TMEM39B: variants seen among roughly 807,000 people sequenced by gnomAD.
TMEM39B encodes the protein transmembrane protein 39B.
A neutral mutation model predicts 52.2 loss-of-function variants in TMEM39B; 23 were observed. The observed-to-expected ratio is 0.44, with a 90% CI of 0.32 to 0.62. The LOEUF (loss-of-function observed/expected upper bound fraction) is 0.62, where lower values mean the gene tolerates loss of function less well. TMEM39B is among the 20% of genes least tolerant of loss of function. TMEM39B has a pLI of 0.06. For synonymous variants in TMEM39B, 285 were observed against 264.0 expected (o/e 1.08, Z -0.77); for missense variants, 547 against 642.0 (o/e 0.85, Z 1.60).
intron 1 of TMEM39B, chr1:32,073,621 TG>T (rs1331887958): frequency 7.1e-6 from 7 of 987,436 alleles, no homozygotes; most frequent in Non-Finnish European, 7.2e-6. Context: ...GCAGAGCTTC[TG>T]GACTGGACTA....
intron 5 of TMEM39B, 113 bp downstream of exon 5, chr1:32,077,431 A>G: frequency 7.8e-7 from 1 of 1,285,972 alleles, no homozygotes; most frequent in African/African-American, 1.5e-5. Context: ...GCAGGCAGCA[A>G]CATCCTCTCA....
chr1:32,094,885 C>T lies in TMEM39B; in HGVS notation c.1029C>T (p.Tyr343=), dbSNP rs150130928. 5.1e-5 allele frequency: 82 copies of T among 1,614,048 alleles called. No individual in the cohort carries two copies. The highest frequency in any genetic ancestry group is 6.5e-5 in the Non-Finnish European group (77 of 1,180,062). ...ILMQHLLPAS[Y]CDLLHKAAAH... ...TGCAGCACCTGCTGCCTGCCAGCTA[C>T]TGTGACCTGCTGCACAAGGCCGCCG... Residue 343 remains tyrosine (Y), a synonymous_variant, in exon 7 of 9, where the codon TAC becomes TAT. Coordinates refer to ENST00000336294, the MANE Select transcript of TMEM39B (RefSeq NM_018056.4).
At chr1:32,100,906 C>A (rs1640997482) in intron 8 of TMEM39B, among the ~76,000 whole-genome samples, 1 of 152,114 alleles carries the variant, frequency 6.6e-6, no homozygotes, top group Non-Finnish European at 1.5e-5. Flanking sequence ...TGGCGGGCGC[C>A]TGTAATCCCA....
rs1299064803 is a variant in TMEM39B, at chr1:32,094,786, C to A, written c.930C>A (p.Asn310Lys). The change falls in exon 7 of 9, where the codon AAC becomes AAA. Residue 310 changes from asparagine to lysine, a missense_variant and splice_region_variant. Physicochemically the swap from Asn to Lys is moderately conservative, Grantham distance 94. Coordinates refer to ENST00000336294, the MANE Select transcript of TMEM39B (RefSeq NM_018056.4). ...CACCCACCTTCTGCTACCCCCAGAA[C>A]ACACATTACTATGACAAGCGCTGGT... The part of the protein sequence containing the change: ...VAFVPVWFVK[N>K]THYYDKRWSC... The A allele has an allele frequency of 6.2e-7, 1 of 1,614,048 alleles. No homozygotes were observed. Among genetic ancestry groups the A allele is most frequent in the Non-Finnish European group, 8.5e-7 (1 of 1,180,026 alleles).
chr1:32,091,873 C>T lies in TMEM39B; in HGVS notation c.789C>T (p.Ala263=), dbSNP rs1051787283. The change falls in exon 6 of 9, where the codon GCC becomes GCT. Residue 263 remains alanine (A), a synonymous_variant. Transcript: ENST00000336294. ...GCCCGGACGCCATGCCCACCCATGCCTGCTGCCTGTCACCCAGCCTCATCC... is the reference window on the plus strand; with the variant it reads ...GCCCGGACGCCATGCCCACCCATGCTTGCTGCCTGTCACCCAGCCTCATCC... The part of the protein sequence containing the change: ...LYGPDAMPTH[A]CCLSPSLIRS... 3.7e-6 allele frequency: 6 copies of T among 1,614,118 alleles called. No individual in the cohort carries two copies. The African/African-American group carries it at 5.3e-5, about 14-fold the overall frequency.
At chr1:32,085,147 T>A (rs1391464594) in intron 5 of TMEM39B, among the ~76,000 whole-genome samples, 2 of 152,202 alleles carry the variant, frequency 1.3e-5, no homozygotes, top group African/African-American at 4.8e-5. Flanking sequence ...TTTGAGTACT[T>A]CTTTAGCTTG....
At position 32,076,860 on chromosome 1, in the gene TMEM39B, A is replaced by C. The variant is rs774483941; in HGVS notation, c.435+14A>C. On this transcript the variant is annotated intron_variant, in intron 4 of 8. Coordinates refer to ENST00000336294, the MANE Select transcript of TMEM39B (RefSeq NM_018056.4). ...ATCGTGAAGGAGGTGATTGGGTCCT[A>C]GAGGCTGGCCAGGGACTTTGGGATT... The C allele has an allele frequency of 2.5e-6, 4 of 1,613,808 alleles. No homozygotes were observed. Among genetic ancestry groups the C allele is most frequent in the Non-Finnish European group, 3.4e-6 (4 of 1,179,790 alleles).
intron 5 of TMEM39B, among the ~76,000 whole-genome samples, chr1:32,080,103 T>C (rs1640031933): frequency 6.6e-6 from 1 of 151,994 alleles, no homozygotes; most frequent in African/African-American, 2.4e-5. Flanking sequence ...TTAGCCAGGA[T>C]GGTCTCGATC....
upstream of TMEM39B, chr1:32,072,930 C>G: frequency 2.2e-6 from 3 of 1,342,986 alleles, no homozygotes; most frequent in South Asian, 1.4e-5. Context: ...GCGGCGGGAG[C>G]GCGCGGCTGA....
intron 1 of TMEM39B, among the ~76,000 whole-genome samples, chr1:32,074,713 G>C (rs1393648767): frequency 6.6e-6 from 1 of 152,118 alleles, no homozygotes; most frequent in East Asian, 1.9e-4. Context: ...AATGAGCTTG[G>C]CTTGCTGAGG....
intron 5 of TMEM39B, among the ~76,000 whole-genome samples, chr1:32,085,300 T>TCC (rs1481208744): frequency 6.6e-6 from 1 of 152,204 alleles, no homozygotes; most frequent in East Asian, 1.9e-4. Flanking sequence ...AATCTCTCTC[T>TCC]CTCTCTCTCT....
At chr1:32,089,632 G>T (rs1051495935) in intron 5 of TMEM39B, among the ~76,000 whole-genome samples, 3 of 149,384 alleles carry the variant, frequency 2.0e-5, no homozygotes, top group Non-Finnish European at 3.0e-5. Context: ...GGGACCCCCA[G>T]AAAAAAGTAA....
chr1:32,094,945 G>A lies in TMEM39B; in HGVS notation c.1089G>A (p.Ala363=), dbSNP rs374922912. The A allele has an allele frequency of 9.9e-5, 159 of 1,613,432 alleles. No homozygotes were observed. The highest frequency in any genetic ancestry group is 3.3e-4 in the Middle Eastern group (2 of 6,082). The change falls in exon 7 of 9, where the codon GCG becomes GCA. Residue 363 remains alanine (A), a synonymous_variant. Transcript: ENST00000336294. ...GCTGTTGGCAGAAGGTGGACCCAGC[G>A]CTGTGCTCCAACGTGCTGCAGCACC... The part of the protein sequence containing the change: ...HLGCWQKVDP[A]LCSNVLQHPW...
At chr1:32,090,237 A>G (rs529637029) in intron 5 of TMEM39B, among the ~76,000 whole-genome samples, 29 of 152,160 alleles carry the variant, frequency 1.9e-4, no homozygotes, top group African/African-American at 5.3e-4. Context: ...GGGCCCATCT[A>G]GTTTTCTCCG....
intron 1 of TMEM39B, chr1:32,073,540 G>A: frequency 1.0e-6 from 1 of 996,392 alleles, no homozygotes; most frequent in Non-Finnish European, 1.2e-6. Context: ...ACAGTTGTGT[G>A]TAGGCGGAGC....
At chr1:32,077,050 C>G in intron 4 of TMEM39B, 114 bp from the exon 5 acceptor site, 4 of 1,464,114 alleles carry the variant, frequency 2.7e-6, no homozygotes, top group Non-Finnish European at 3.7e-6. Context: ...TCTGCCCAGC[C>G]TGCTGTGCCA....
At chr1:32,096,933 C>T (rs1367251492) in intron 7 of TMEM39B, among the ~76,000 whole-genome samples, 2 of 151,700 alleles carry the variant, frequency 1.3e-5, no homozygotes, top group African/African-American at 2.4e-5. Context: ...GCTCCCAAGT[C>T]GCTGGGATTA....
intron 5 of TMEM39B, among the ~76,000 whole-genome samples, 170 bp downstream of exon 5, chr1:32,077,488 T>A (rs182893373): frequency 2.6e-4 from 40 of 152,308 alleles, no homozygotes; most frequent in Admixed American, 9.2e-4. Context: ...AATTAGCCTT[T>A]TTTTGCAGAC....
chr1:32,078,431 C>T (rs1022466967), intron 5 of TMEM39B, among the ~76,000 whole-genome samples: 2 of 151,628 alleles, frequency 1.3e-5, no homozygotes, highest in South Asian at 2.1e-4. Flanking sequence ...TGCAGTGAGC[C>T]GAAATTGTGC....
Sources: gnomAD v4.1 joint callset for allele counts (sites outside exome capture counted in the v4.1 genomes callset) on GRCh38, gnomAD v4.1.1 for gene constraint, MANE v1.5 for transcripts, NCBI Gene and HGNC (gene_info 2026-07-23, HGNC 2026-07-21) for gene names.